Variants in HERC1 observed in about 807,000 individuals in gnomAD.
HERC1 encodes HECT and RLD domain containing E3 ubiquitin protein ligase family member 1, also known as probable E3 ubiquitin-protein ligase HERC1.
A neutral mutation model predicts 554.3 loss-of-function variants in HERC1; 160 were observed. That is an observed-to-expected ratio of 0.29 (90% CI 0.25 to 0.33). The LOEUF (loss-of-function observed/expected upper bound fraction) is 0.33, where lower values mean the gene tolerates loss of function less well. Ranked by LOEUF, HERC1 falls within the 10% of genes least tolerant of loss-of-function variation. The pLI is 1.00. For synonymous variants in HERC1, 2,175 were observed against 2,131.7 expected, an observed-to-expected ratio of 1.02 and a Z score of -0.56; for missense variants, 4,919 against 5,918.5, an observed-to-expected ratio of 0.83 and a Z score of 5.54.
intron 10 of HERC1, among the ~76,000 whole-genome samples, chr15:63,748,586 C>T (rs2075137894): frequency 6.6e-6 from 1 of 152,022 alleles, no homozygotes; most frequent in Admixed American, 6.6e-5. Context: ...GTTCTTGGGA[C>T]CCAACTATCT....
rs1244615619 is a variant in HERC1 at position 63,654,279 on chromosome 15, G to A, written c.10130C>T (p.Ser3377Phe). 6.2e-7 allele frequency: 1 copy of A among 1,613,876 alleles called. No individual in the cohort carries two copies. The highest frequency in any genetic ancestry group is 1.1e-5 in the South Asian group (1 of 91,094). ...TTGCCGATGCTGTGAGGACAGCCTG[G>A]AGGAGAGGCAGCAGGCTGCCAGGGC... ...ANALAACCLS[S>F]RLSSQHRQWA... Residue 3377 changes from serine to phenylalanine, a missense_variant, in exon 51 of 78, where the codon TCC (serine) becomes TTC (phenylalanine). Ser to Phe is a radical substitution (Grantham distance 155). Coordinates refer to ENST00000443617, the MANE Select transcript of HERC1 (RefSeq NM_003922.4).
Position 63,756,454 on chromosome 15 carries a change from C to G in HERC1, c.1516G>C (p.Gly506Arg). 1 of 1,612,548 alleles carries G rather than the reference C, an allele frequency of 6.2e-7. No individual in the cohort carries two copies. Among genetic ancestry groups the G allele is most frequent in the South Asian group, 1.1e-5 (1 of 90,822 alleles). ...STQKYPKLIQ[G>R]PLQGKVVVCV... ...GCACATACCTTTCCTTGTAGAGGTC[C>G]CTGAATAAGCTTGGGATATTTCTGT... The change falls in exon 5 of 78, where the codon GGA (glycine) becomes CGA (arginine). Residue 506 changes from glycine to arginine, a missense_variant. By Grantham distance (125) the Gly-to-Arg change is moderately radical (BLOSUM62 -2). Around this residue, in one of 11 missense-constraint regions of HERC1, gnomAD observed 744 missense variants for 1,090.0 expected, o/e 0.68. Transcript: ENST00000443617. The surrounding 1 kb of genome is among the most constrained non-coding windows in gnomAD (Gnocchi z 5.0).
rs377143144 is a variant in HERC1, at chr15:63,616,454, C to T, written c.13917G>A (p.Gly4639=). The change falls in exon 75 of 78, where the codon GGG becomes GGA. Residue 4639 remains glycine, a synonymous_variant. Transcript: ENST00000443617. ...CCTCATGGAAACTCTCCTCGGTAAT[C>T]CCACTGTCTTCAATGTGAAGAATGC... ...LNSILHIEDS[G]ITEESFHEMI... 4.3e-6 allele frequency: 7 copies of T among 1,613,822 alleles called. No homozygotes were observed. The highest frequency in any genetic ancestry group is 5.9e-6 in the Non-Finnish European group (7 of 1,179,804).
At chr15:63,766,659 T>C (rs2075788077) in intron 2 of HERC1, among the ~76,000 whole-genome samples, 1 of 152,222 alleles carries the variant, frequency 6.6e-6, no homozygotes. Context: ...CGTAATACAT[T>C]AAAGGTTAGG....
intron 72 of HERC1, 126 bp from the exon 73 acceptor site, chr15:63,624,016 TA>T: frequency 8.0e-7 from 1 of 1,246,092 alleles, no homozygotes. Flanking sequence ...AGGCCCACTG[TA>T]ACCACACCAG....
chr15:63,759,405 C>A (rs2075535438), intron 3 of HERC1, among the ~76,000 whole-genome samples: 1 of 152,186 alleles, frequency 6.6e-6, no homozygotes, highest in Admixed American at 6.5e-5. Context: ...AAACACCAGG[C>A]TGCCTGCCAA....
At chr15:63,695,380 A>G (rs1267406048) in intron 27 of HERC1, among the ~76,000 whole-genome samples, 2 of 132,534 alleles carry the variant, frequency 1.5e-5, no homozygotes, top group African/African-American at 5.7e-5. Flanking sequence ...GAGTCTGTAT[A>G]ATCTTTTTTT....
At chr15:63,649,287 A>C (rs923384385) in intron 54 of HERC1, among the ~76,000 whole-genome samples, 2 of 152,190 alleles carry the variant, frequency 1.3e-5, no homozygotes, top group African/African-American at 4.8e-5. Context: ...AGGGAGTCAG[A>C]GGTTGCAGTG....
In HERC1 at chr15:63,612,375, T is replaced by C. The variant is rs1169889970; in HGVS notation, c.14276A>G (p.His4759Arg). The change falls in exon 77 of 78, where the codon CAC (histidine) becomes CGC (arginine). Residue 4759 changes from histidine (H) to arginine (R), a missense_variant. Physicochemically the swap from His to Arg is conservative, Grantham distance 29. Coordinates refer to ENST00000443617, the MANE Select transcript of HERC1 (RefSeq NM_003922.4). This position sits in a 1 kb window ranked among gnomAD's most constrained non-coding sequence, Gnocchi z 5.0. ...EQHQLVQWFW[H>R]TLEEFSNEER... ...CTCATTGGAGAACTCTTCCAGCGTG[T>C]GCCAGAACCACTGCACCAGCTGATG... 6.2e-7 allele frequency: 1 copy of C among 1,614,052 alleles called. No individual in the cohort carries two copies. The highest frequency in any genetic ancestry group is 8.5e-7 in the Non-Finnish European group (1 of 1,179,896).
intron 30 of HERC1, among the ~76,000 whole-genome samples, chr15:63,693,169 C>G (rs2072212849): frequency 1.3e-5 from 2 of 151,456 alleles, no homozygotes; most frequent in Admixed American, 1.3e-4. Flanking sequence ...CAGGGTGAGA[C>G]TCTGTCTCAA....
Position 63,723,312 on chromosome 15 carries a change from A to G in HERC1, c.3612T>C (p.Asn1204=), listed in dbSNP as rs893160366. The change falls in exon 19 of 78, where the codon AAT becomes AAC. Residue 1204 remains asparagine (N), a synonymous_variant. Coordinates refer to ENST00000443617, the MANE Select transcript of HERC1 (RefSeq NM_003922.4). Reference sequence around the variant, plus strand: ...TATAATCAAAAGGCTTCTGTTCTTCATTTCCAGAAAGTGCTACTTCTAACA... The same window carrying G: ...TATAATCAAAAGGCTTCTGTTCTTCGTTTCCAGAAAGTGCTACTTCTAACA... ...SCLLEVALSG[N]EEQKPFDYKL... 1 of 1,595,464 alleles carries G rather than the reference A, an allele frequency of 6.3e-7. No individual in the cohort carries two copies. Among genetic ancestry groups the G allele is most frequent in the East Asian group, 2.2e-5 (1 of 44,524 alleles).
rs368687351 is a variant in HERC1, at chr15:63,775,172, C to T, written c.452G>A (p.Arg151Gln). 18 of 1,613,924 alleles carry T rather than the reference C, an allele frequency of 1.1e-5. No homozygotes were observed. Among genetic ancestry groups the T allele is most frequent in the Middle Eastern group, 1.7e-4 (1 of 6,060 alleles). The change falls in exon 2 of 78, where the codon CGG (arginine) becomes CAG (glutamine). Residue 151 changes from arginine to glutamine, a missense_variant. Transcript: ENST00000443617. This position sits in a 1 kb window ranked among gnomAD's most constrained non-coding sequence, Gnocchi z 4.0. ...ADVHSVSERP[R>Q]SSTDALIEMG... ...TTCTATAAGTGCATCAGTGCTTGAC[C>T]GGGGGCGTTCACTAACAGAATGGAC...
intron 24 of HERC1, among the ~76,000 whole-genome samples, chr15:63,712,340 A>C (rs1283549542): frequency 6.6e-6 from 1 of 152,230 alleles, no homozygotes; most frequent in Non-Finnish European, 1.5e-5. Flanking sequence ...TTTAAGACTT[A>C]ACTGGATTGG....
intron 2 of HERC1, among the ~76,000 whole-genome samples, chr15:63,774,387 G>C (rs542822676): frequency 2.0e-5 from 3 of 152,112 alleles, no homozygotes; most frequent in South Asian, 2.1e-4. Context: ...CTGATCACTA[G>C]CCAAAATCTC....
chr15:63,817,172 A>C (rs1199938600), intron 1 of HERC1, among the ~76,000 whole-genome samples: 1 of 152,204 alleles, frequency 6.6e-6, no homozygotes, highest in Admixed American at 6.5e-5. Context: ...AAACATGCCA[A>C]ACTACTGTAA....
At chr15:63,798,989 A>T (rs895676544) in intron 1 of HERC1, among the ~76,000 whole-genome samples, 2 of 152,184 alleles carry the variant, frequency 1.3e-5, no homozygotes, top group Non-Finnish European at 2.9e-5. Context: ...TTTAAAAAAG[A>T]AGTTGACTTT....
At chr15:63,808,475 A>T (rs2077199319) in intron 1 of HERC1, among the ~76,000 whole-genome samples, 1 of 152,112 alleles carries the variant, frequency 6.6e-6, no homozygotes, top group Non-Finnish European at 1.5e-5. Flanking sequence ...TTCCAGAGAC[A>T]AGGTCTCACT....
rs1336132759 is a variant in HERC1 at position 63,727,722 on chromosome 15, G to A, written c.3271C>T (p.Pro1091Ser). 5 of 1,613,922 alleles carry A rather than the reference G, an allele frequency of 3.1e-6. No homozygotes were observed. The highest frequency in any genetic ancestry group is 1.7e-5 in the Admixed American group (1 of 60,004). The change falls in exon 17 of 78, where the codon CCT (proline) becomes TCT (serine). Residue 1091 changes from proline to serine, a missense_variant. By Grantham distance (74) the Pro-to-Ser change is moderately conservative. Transcript: ENST00000443617. The surrounding 1 kb of genome is among the most constrained non-coding windows in gnomAD (Gnocchi z 4.3). ...LLSYLLDLLP[P>S]LDCLNRLLPA... is the part of the protein sequence containing the mutation. ...AGGAGTCTATTAAGGCAATCAAGAGGTGGCAACAAGTCGAGGAGGTAACTC... is the reference window on the plus strand; with the variant it reads ...AGGAGTCTATTAAGGCAATCAAGAGATGGCAACAAGTCGAGGAGGTAACTC...
intron 74 of HERC1, 79 bp downstream of exon 74, chr15:63,622,735 TG>T: frequency 9.3e-7 from 1 of 1,078,296 alleles, no homozygotes; most frequent in Non-Finnish European, 1.3e-6. Context: ...AAACAGGACC[TG>T]GTACATAGTA....
Sources: allele counts gnomAD v4.1 joint callset (sites outside exome capture counted in the v4.1 genomes callset), GRCh38; gene constraint gnomAD v4.1.1; regional missense constraint gnomAD v4.1.1; non-coding constraint Gnocchi (gnomAD v3.1); transcripts MANE v1.5; gene names NCBI Gene and HGNC (gene_info 2026-07-23, HGNC 2026-07-21).